Variants in NHSL1 observed in about 807,000 individuals in gnomAD.
The protein encoded by NHSL1 is NHS-like protein 1.
NHSL1 carries 48 observed loss-of-function variants against 95.0 expected under a neutral mutation model. The ratio of observed to expected loss-of-function variants is 0.51; its 90% CI spans 0.40 to 0.64. The LOEUF is 0.64. NHSL1 is among the 30% of genes least tolerant of loss of function. The pLI, the probability that NHSL1 is intolerant of heterozygous loss-of-function variation, is 0.00. For synonymous variants in NHSL1, 783 were observed against 833.9 expected, an observed-to-expected ratio of 0.94 and a Z score of 1.05; for missense variants, 1,971 against 2,077.7, an observed-to-expected ratio of 0.95 and a Z score of 1.00.
intron 3 of NHSL1, among the ~76,000 whole-genome samples, chr6:138,467,229 T>C (rs1778442189): frequency 6.6e-6 from 1 of 151,854 alleles, no homozygotes; most frequent in Admixed American, 6.6e-5. Context: ...CTCGGCTCAC[T>C]GCCGGCTCCG....
chr6:138,558,401 G>A lies in NHSL1; in HGVS notation c.202+13309C>T, dbSNP rs1302601034. 2.1e-5 allele frequency among the ~76,000 whole-genome samples: 3 copies of A among 140,504 alleles called. No individual in the cohort carries two copies. In the East Asian group the frequency reaches 6.5e-4, roughly 30 times the overall value. 92.2% of individuals were successfully genotyped at this position (140,504 alleles called of 152,430 possible). ...CCTCCCAAAGTGCTGGGATTACAGG[G>A]GTAAGCCACTGTGCCCACCCTTTTT... On this transcript the variant is annotated intron_variant, in intron 1 of 6. Coordinates refer to the NHSL1 transcript ENST00000427025.
At chr6:138,509,142 C>A (rs549054669) in intron 1 of NHSL1, among the ~76,000 whole-genome samples, 16 of 152,312 alleles carry the variant, frequency 1.1e-4, no homozygotes, top group African/African-American at 3.8e-4. Context: ...TTAGAGAATA[C>A]TTTTCAATCA....
At position 138,430,509 on chromosome 6, in the gene NHSL1, T is replaced by C. The variant is rs773012981; in HGVS notation, c.3836A>G (p.Asn1279Ser). The C allele has an allele frequency of 3.3e-5, 51 of 1,551,270 alleles. No individual in the cohort carries two copies. In the Admixed American group the frequency reaches 4.7e-4, roughly 14 times the overall value. ...GACATCAGGCTGAACCATGGGGACA[T>C]TGGCTTCCACTCTGCTGGGAGACAT... Reference protein sequence around the residue: ...GSMSPSRVEANVPMVQPDVSP... With the variant: ...GSMSPSRVEASVPMVQPDVSP... Residue 1279 changes from asparagine (N) to serine (S), a missense_variant, in exon 6 of 8, where the codon AAT (asparagine) becomes AGT (serine). By Grantham distance (46) the Asn-to-Ser change is conservative. Around this residue, in one of 3 missense-constraint regions of NHSL1, gnomAD observed 1,602 missense variants for 1,654.5 expected, o/e 0.97. Coordinates refer to ENST00000343505, the MANE Select transcript of NHSL1 (RefSeq NM_001144060.2). The surrounding 1 kb of genome is among the most constrained non-coding windows in gnomAD (Gnocchi z 4.7).
chr6:138,429,875 A>C (rs1562255342), intron 6 of NHSL1, 32 bp from the exon 7 acceptor site: 1 of 1,533,966 alleles, frequency 6.5e-7, no homozygotes, highest in African/African-American at 1.4e-5. Flanking sequence ...TACAAGACGC[A>C]CAAGTGACTG....
At chr6:138,621,283 C>A (rs912919448) in intron 1 of NHSL1, among the ~76,000 whole-genome samples, 11 of 152,088 alleles carry the variant, frequency 7.2e-5, no homozygotes, top group African/African-American at 2.7e-4. Context: ...CAATTTAGTT[C>A]CATGGGAAGT....
chr6:138,588,931 C>T (rs1253696564), intron 1 of NHSL1, among the ~76,000 whole-genome samples: 1 of 152,126 alleles, frequency 6.6e-6, no homozygotes, highest in Non-Finnish European at 1.5e-5. Flanking sequence ...TTTGAAATCC[C>T]GCCTTCCATA....
intron 1 of NHSL1, among the ~76,000 whole-genome samples, chr6:138,643,024 G>A (rs1003015004): frequency 6.6e-6 from 1 of 152,138 alleles, no homozygotes; most frequent in East Asian, 1.9e-4. Flanking sequence ...TCCCTACCAT[G>A]AGCTTAAAAC....
At position 138,430,870 on chromosome 6, in the gene NHSL1, G is replaced by A. The variant is rs1250421605; in HGVS notation, c.3475C>T (p.Pro1159Ser). The A allele has an allele frequency of 1.1e-4, 178 of 1,551,048 alleles. No homozygotes were observed. Among genetic ancestry groups the A allele is most frequent in the Non-Finnish European group, 1.5e-4 (176 of 1,146,860 alleles). Residue 1159 changes from proline to serine, a missense_variant, in exon 6 of 8, where the codon CCT becomes TCT. Pro to Ser is a moderately conservative substitution (Grantham distance 74). Transcript: ENST00000343505. The surrounding 1 kb of genome is among the most constrained non-coding windows in gnomAD (Gnocchi z 4.7). ...GGAGCTCCAGGGCTGCGGCTCACAG[G>A]GCCACCACGCTCAGCCGCACTGCCA... ...DHGSAAERGG[P>S]VSRSPGAPSA...
At chr6:138,515,141 C>T (rs1781406349) in intron 1 of NHSL1, among the ~76,000 whole-genome samples, 2 of 152,258 alleles carry the variant, frequency 1.3e-5, no homozygotes, top group African/African-American at 4.8e-5. Flanking sequence ...CAGAACAGCA[C>T]ACAATTCAAA....
intron 1 of NHSL1, among the ~76,000 whole-genome samples, chr6:138,531,793 G>C (rs1440377572): frequency 1.3e-5 from 2 of 152,194 alleles, no homozygotes; most frequent in Non-Finnish European, 2.9e-5. Flanking sequence ...GATTACAAGT[G>C]TGAGCCACAA....
At chr6:138,514,054 C>T (rs766021127) in intron 1 of NHSL1, among the ~76,000 whole-genome samples, 12 of 152,158 alleles carry the variant, frequency 7.9e-5, no homozygotes, top group Non-Finnish European at 1.3e-4. Context: ...TGGTGGCTCA[C>T]GCCTGTAATC....
At chr6:138,574,672 C>CAA (rs1193555851), upstream of NHSL1, among the ~76,000 whole-genome samples, 1 of 80,354 alleles carries the variant, frequency 1.2e-5, no homozygotes, top group Non-Finnish European at 2.4e-5. Flanking sequence ...ACAAATAATG[C>CAA]AAAAAAAAAA....
At chr6:138,511,285 T>G (rs532158015) in intron 1 of NHSL1, among the ~76,000 whole-genome samples, 3 of 152,228 alleles carry the variant, frequency 2.0e-5, no homozygotes, top group South Asian at 4.1e-4. Context: ...CAGCCAAAAC[T>G]GAAGCTTGGC....
At chr6:138,540,623 A>G (rs1463229803) in intron 1 of NHSL1, among the ~76,000 whole-genome samples, 3 of 152,240 alleles carry the variant, frequency 2.0e-5, no homozygotes, top group Non-Finnish European at 4.4e-5. Flanking sequence ...AGGGTGCACG[A>G]TGACGAAGGA....
intron 1 of NHSL1, among the ~76,000 whole-genome samples, chr6:138,505,652 CAAAAAAA>C (rs10559023): frequency 1.0e-3 from 88 of 87,698 alleles, no homozygotes; most frequent in South Asian, 2.9e-3. Context: ...GACTCCATTT[CAAAAAAA>C]AAAAAAAAAA....
intron 1 of NHSL1, among the ~76,000 whole-genome samples, chr6:138,516,557 TCA>T (rs1781469910): frequency 6.6e-6 from 1 of 152,118 alleles, no homozygotes; most frequent in Non-Finnish European, 1.5e-5. Flanking sequence ...CTTAGAACTC[TCA>T]GTTAGCAATG....
intron 1 of NHSL1, among the ~76,000 whole-genome samples, chr6:138,569,864 T>C (rs772990735): frequency 7.2e-5 from 11 of 152,106 alleles, no homozygotes; most frequent in Non-Finnish European, 1.2e-4. Flanking sequence ...AATCATATTA[T>C]TCATGCCCAA....
intron 1 of NHSL1, among the ~76,000 whole-genome samples, chr6:138,584,789 A>T (rs1384234180): frequency 6.6e-6 from 1 of 152,232 alleles, no homozygotes; most frequent in Non-Finnish European, 1.5e-5. Context: ...CTTTCCACTG[A>T]TGGCAGACTG....
chr6:138,675,678 G>A (rs1785439926), intron 1 of NHSL1, among the ~76,000 whole-genome samples: 1 of 152,212 alleles, frequency 6.6e-6, no homozygotes, highest in East Asian at 1.9e-4. Flanking sequence ...GGGATTACAG[G>A]CGCATGTCCC....
Sources: gnomAD v4.1 joint callset for allele counts (sites outside exome capture counted in the v4.1 genomes callset) on GRCh38, gnomAD v4.1.1 for gene constraint, gnomAD v4.1.1 regional missense constraint, Gnocchi (gnomAD v3.1) non-coding constraint, MANE v1.5 for transcripts, NCBI Gene and HGNC (gene_info 2026-07-23, HGNC 2026-07-21) for gene names.